The following FIG4 variants were observed in gnomAD, a reference collection of about 807,000 sequenced individuals.
The protein encoded by FIG4 is FIG4 phosphoinositide 5-phosphatase, also known as polyphosphoinositide phosphatase.
In FIG4, 112 loss-of-function variants were observed where a neutral mutation model predicts 118.6. The observed-to-expected ratio is 0.94, with a 90% confidence interval of 0.81 to 1.11. The LOEUF is 1.11. Ranked by LOEUF, FIG4 falls within the 50% of genes least tolerant of loss-of-function variation. FIG4 has a pLI of 0.00. For missense variants in FIG4, 969 were observed against 1,111.7 expected (o/e 0.87, Z 1.83); for synonymous variants, 369 against 381.2 (o/e 0.97, Z 0.37).
chr6:109,799,771 G>A (rs1583752954), intron 22 of FIG4, among the ~76,000 whole-genome samples: 4 of 152,342 alleles, frequency 2.6e-5, no homozygotes, highest in Admixed American at 2.6e-4. Flanking sequence ...TGAATGGGCA[G>A]CTGGACACTT....
intron 16 of FIG4, among the ~76,000 whole-genome samples, chr6:109,783,410 C>T (rs950641013): frequency 6.6e-6 from 1 of 152,210 alleles, no homozygotes; most frequent in African/African-American, 2.4e-5. Context: ...GGACACTAGC[C>T]TCTTGTAGAG....
At chr6:109,734,833 T>C (rs1385189008) in intron 5 of FIG4, among the ~76,000 whole-genome samples, 1 of 152,176 alleles carries the variant, frequency 6.6e-6, no homozygotes, top group Non-Finnish European at 1.5e-5. Context: ...TGACCCTGTT[T>C]GCACAAGACC....
intron 1 of FIG4, among the ~76,000 whole-genome samples, chr6:109,695,023 A>G (rs747965857): frequency 4.1e-4 from 63 of 152,240 alleles, no homozygotes; most frequent in Non-Finnish European, 8.5e-4. Flanking sequence ...AGAAAACAGT[A>G]TGGAGGTTCC....
intron 21 of FIG4, among the ~76,000 whole-genome samples, chr6:109,795,253 A>G (rs1470928553): frequency 2.6e-5 from 4 of 151,646 alleles, no homozygotes; most frequent in East Asian, 3.9e-4. Context: ...GCCTCCCGAC[A>G]CTTGCCAGTT....
At chr6:109,746,403 G>A (rs1331070386) in intron 10 of FIG4, among the ~76,000 whole-genome samples, 1 of 152,128 alleles carries the variant, frequency 6.6e-6, no homozygotes. Context: ...AGTCTTCCCT[G>A]AGGACGGGAT....
intron 10 of FIG4, among the ~76,000 whole-genome samples, chr6:109,753,008 T>C (rs1776758925): frequency 6.6e-6 from 1 of 152,198 alleles, no homozygotes; most frequent in African/African-American, 2.4e-5. Context: ...CTTGAATTAA[T>C]TTTTGTATAA....
intron 22 of FIG4, among the ~76,000 whole-genome samples, chr6:109,812,077 T>G (rs572533976): frequency 1.3e-5 from 2 of 152,276 alleles, no homozygotes; most frequent in Admixed American, 6.5e-5. Flanking sequence ...GAGTGAGTTC[T>G]CTTGAGATGG....
intron 16 of FIG4, among the ~76,000 whole-genome samples, chr6:109,783,285 G>A (rs913108620): frequency 2.6e-5 from 4 of 152,142 alleles, no homozygotes; most frequent in African/African-American, 9.7e-5. Flanking sequence ...GTTGAAAAAA[G>A]TAAATAAATA....
At chr6:109,802,672 A>G (rs1778456009) in intron 22 of FIG4, among the ~76,000 whole-genome samples, 1 of 152,194 alleles carries the variant, frequency 6.6e-6, no homozygotes, top group Non-Finnish European at 1.5e-5. Context: ...GCATCTAGGC[A>G]CTTATTGTTT....
At chr6:109,754,947 T>C (rs1214324280) in intron 10 of FIG4, among the ~76,000 whole-genome samples, 1 of 152,238 alleles carries the variant, frequency 6.6e-6, no homozygotes, top group African/African-American at 2.4e-5. Context: ...TCAGTTCTGC[T>C]CTGATTTTAG....
intron 4 of FIG4, among the ~76,000 whole-genome samples, chr6:109,729,501 A>G (rs1775917341): frequency 6.6e-6 from 1 of 152,238 alleles, no homozygotes; most frequent in Non-Finnish European, 1.5e-5. Context: ...TAGAAAAATA[A>G]GGCATAAAGC....
intron 3 of FIG4, among the ~76,000 whole-genome samples, chr6:109,718,935 T>C (rs978751137): frequency 5.3e-5 from 8 of 151,866 alleles, no homozygotes; most frequent in Non-Finnish European, 1.2e-4. Flanking sequence ...TTTTTTTTTT[T>C]TGAGACAGAG....
chr6:109,805,286 A>G (rs1294558600), intron 22 of FIG4, among the ~76,000 whole-genome samples: 1 of 152,194 alleles, frequency 6.6e-6, no homozygotes, highest in African/African-American at 2.4e-5. Context: ...CCCATAGGCA[A>G]TTAGCTCTTG....
intron 22 of FIG4, among the ~76,000 whole-genome samples, chr6:109,811,846 A>G (rs1243012301): frequency 1.3e-5 from 2 of 152,228 alleles, no homozygotes; most frequent in Non-Finnish European, 2.9e-5. Flanking sequence ...AGCAGTCTAC[A>G]TGAGATGACT....
At chr6:109,814,474 A>G (rs973542538) in intron 22 of FIG4, among the ~76,000 whole-genome samples, 5 of 151,922 alleles carry the variant, frequency 3.3e-5, no homozygotes, top group African/African-American at 1.2e-4. Context: ...TGAGTAAGCA[A>G]TGTCATCTGA....
At chr6:109,781,420 G>A (rs569954846) in intron 16 of FIG4, among the ~76,000 whole-genome samples, 2 of 152,182 alleles carry the variant, frequency 1.3e-5, no homozygotes, top group Non-Finnish European at 2.9e-5. Context: ...TTCCAGTTGA[G>A]GTCAATGTTC....
chr6:109,773,972 C>T (rs1052943351), intron 15 of FIG4, among the ~76,000 whole-genome samples: 2 of 152,214 alleles, frequency 1.3e-5, no homozygotes, highest in African/African-American at 4.8e-5. Context: ...CCATGCCCAG[C>T]TCATATTTTT....
chr6:109,697,367 A>G (rs565548931), intron 1 of FIG4, among the ~76,000 whole-genome samples: 67 of 152,326 alleles, frequency 4.4e-4, no homozygotes, highest in Non-Finnish European at 9.0e-4. Flanking sequence ...GTCGCAGTCA[A>G]GATTCAACTG....
chr6:109,699,758 C>T (rs1435866133), intron 1 of FIG4, among the ~76,000 whole-genome samples: 1 of 152,122 alleles, frequency 6.6e-6, no homozygotes, highest in African/African-American at 2.4e-5. Context: ...CCTGCCTCGG[C>T]CTCCCAAAGT....
Sources: gnomAD v4.1 joint callset for allele counts (sites outside exome capture counted in the v4.1 genomes callset) on GRCh38, gnomAD v4.1.1 for gene constraint, MANE v1.5 for transcripts, NCBI Gene and HGNC (gene_info 2026-07-23, HGNC 2026-07-21) for gene names.